Variants in DUSP29 observed in about 807,000 individuals in gnomAD.
DUSP29 encodes the protein dual specificity phosphatase 29.
Under a neutral mutation model 13.5 loss-of-function variants are expected in DUSP29, and 12 were observed. The ratio of observed to expected loss-of-function variants is 0.89; its 90% CI spans 0.57 to 1.44. DUSP29 has a LOEUF of 1.44. DUSP29 is among the 40% of genes most tolerant of loss of function. The pLI, the probability that DUSP29 is intolerant of heterozygous loss-of-function variation, is 0.00. For missense variants in DUSP29, 308 were observed against 301.1 expected (o/e 1.02, Z -0.17); for synonymous variants, 134 against 128.7 (o/e 1.04, Z -0.28).
At chr10:75,066,398 G>A (rs1589869346) in intron 1 of DUSP29, among the ~76,000 whole-genome samples, 1 of 152,162 alleles carries the variant, frequency 6.6e-6, no homozygotes, top group Non-Finnish European at 1.5e-5. Context: ...AAATCAAAGG[G>A]AAAGAGGCTG....
intron 1 of DUSP29, among the ~76,000 whole-genome samples, chr10:75,061,061 T>G (rs1379929580): frequency 2.0e-5 from 3 of 152,146 alleles, no homozygotes; most frequent in South Asian, 2.1e-4. Flanking sequence ...TTTCCTTTTT[T>G]AAAATAGAGA....
chr10:75,038,051 C>CA lies in DUSP29; in HGVS notation c.447_448insT (p.Gly150TrpfsTer64). On this transcript the variant is annotated frameshift_variant, in exon 4 of 4. Transcript: ENST00000338487. LOFTEE classifies it high-confidence loss of function. ...ACCAGGGTGGCTGACCGGCTGCGGC[C>CA]CATGACGCAGTGAACCAGGATCTTA... is the stretch of plus-strand genomic sequence containing the variant. 6.2e-7 allele frequency: 1 copy of CA among 1,613,538 alleles called. No homozygotes were observed. Among genetic ancestry groups the CA allele is most frequent in the South Asian group, 1.1e-5 (1 of 91,062 alleles).
In DUSP29 at chr10:75,043,996, A is replaced by G. The variant is rs1051785165; in HGVS notation, c.222T>C (p.Tyr74=). Residue 74 remains tyrosine, a synonymous_variant, in exon 3 of 4, where the codon TAT becomes TAC. Transcript: ENST00000338487. The part of the protein sequence containing the change: ...IGDEATALDR[Y]RLQKAGFTHV... ...GCGTGAACCCCGCCTTCTGCAGCCT[A>G]TAGCGGTCCAGCGCCGTCGCCCTGG... 4.3e-6 allele frequency: 7 copies of G among 1,611,758 alleles called. No individual in the cohort carries two copies. The highest frequency in any genetic ancestry group is 3.3e-5 in the Admixed American group (2 of 59,996).
intron 3 of DUSP29, 84 bp downstream of exon 3, chr10:75,043,713 A>G (rs543971451): frequency 1.2e-4 from 134 of 1,143,942 alleles, no homozygotes; most frequent in East Asian, 9.9e-4. Flanking sequence ...TGGGGCGGGG[A>G]AGGGGCGGGG....
intron 2 of DUSP29, among the ~76,000 whole-genome samples, chr10:75,054,739 C>T (rs577635897): frequency 2.0e-4 from 31 of 152,182 alleles, no homozygotes; most frequent in Non-Finnish European, 4.1e-4. Flanking sequence ...CTATTTTACA[C>T]ACATTACCCA....
intron 3 of DUSP29, among the ~76,000 whole-genome samples, chr10:75,039,277 AG>A (rs1846535505): frequency 1.3e-5 from 2 of 152,194 alleles, no homozygotes; most frequent in Non-Finnish European, 2.9e-5. Flanking sequence ...CTATGCTTGC[AG>A]GTCCTTATGT....
intron 3 of DUSP29, among the ~76,000 whole-genome samples, chr10:75,043,225 C>T (rs1846622471): frequency 6.6e-6 from 1 of 152,214 alleles, no homozygotes; most frequent in African/African-American, 2.4e-5. Context: ...GGGAGTGTAA[C>T]TTGGTTGGTG....
At chr10:75,067,161 T>C (rs1847221710) in intron 1 of DUSP29, among the ~76,000 whole-genome samples, 1 of 152,000 alleles carries the variant, frequency 6.6e-6, no homozygotes, top group African/African-American at 2.4e-5. Context: ...GGTTTCATCA[T>C]GTTGACCAGG....
intron 2 of DUSP29, among the ~76,000 whole-genome samples, chr10:75,055,232 G>C (rs1400671619): frequency 6.9e-6 from 1 of 145,038 alleles, no homozygotes; most frequent in Non-Finnish European, 1.5e-5. Flanking sequence ...TTTTTTTTTT[G>C]CTACTTCAAA....
At chr10:75,060,394 G>A (rs1847061232) in intron 1 of DUSP29, among the ~76,000 whole-genome samples, 1 of 151,650 alleles carries the variant, frequency 6.6e-6, no homozygotes, top group African/African-American at 2.4e-5. Flanking sequence ...GAGGACCACT[G>A]GAGCCCAGGA....
chr10:75,050,384 C>A (rs1186202596), intron 2 of DUSP29, among the ~76,000 whole-genome samples: 1 of 152,242 alleles, frequency 6.6e-6, no homozygotes, highest in Non-Finnish European at 1.5e-5. Context: ...TGACGCCAGT[C>A]CCTGGCTCTC....
chr10:75,057,100 AC>A (rs1846977137), intron 2 of DUSP29, among the ~76,000 whole-genome samples: 1 of 151,976 alleles, frequency 6.6e-6, no homozygotes, highest in Non-Finnish European at 1.5e-5. Context: ...ACATGGTGAA[AC>A]CCTGTTTCTA....
chr10:75,068,372 G>C (rs1847249092), intron 1 of DUSP29, among the ~76,000 whole-genome samples: 1 of 152,188 alleles, frequency 6.6e-6, no homozygotes, highest in Admixed American at 6.5e-5. Flanking sequence ...AGCTACTTGG[G>C]AGGCTGAGGT....
In DUSP29 at chr10:75,058,546, C is replaced by T; in HGVS notation, c.-32G>A. On this transcript the variant is annotated splice_region_variant and 5_prime_UTR_variant, in exon 2 of 4. Coordinates refer to ENST00000338487, the MANE Select transcript of DUSP29 (RefSeq NM_001003892.3). Reference sequence around the variant, plus strand: ...GCCAAGGGATTTTCTCTCCTTTCTGCAGCTGGTTATGAGAGAGAAGCAGGA... The same window carrying T: ...GCCAAGGGATTTTCTCTCCTTTCTGTAGCTGGTTATGAGAGAGAAGCAGGA... The T allele has an allele frequency of 6.2e-7, 1 of 1,611,794 alleles. No homozygotes were observed.
Position 75,043,975 on chromosome 10 carries a change from G to C in DUSP29, c.243C>G (p.Phe81Leu). The change falls in exon 3 of 4, where the codon TTC becomes TTG. Residue 81 changes from phenylalanine to leucine, a missense_variant. By Grantham distance (22) the Phe-to-Leu change is conservative (BLOSUM62 0). Coordinates refer to ENST00000338487, the MANE Select transcript of DUSP29 (RefSeq NM_001003892.3). ...LDRYRLQKAG[F>L]THVLNAAHGR... ...CGTGGGCCGCGTTCAGCACGTGCGT[G>C]AACCCCGCCTTCTGCAGCCTATAGC... 1 of 1,612,986 alleles carries C rather than the reference G, an allele frequency of 6.2e-7. No individual in the cohort carries two copies. Among genetic ancestry groups the C allele is most frequent in the Non-Finnish European group, 8.5e-7 (1 of 1,179,932 alleles).
intron 1 of DUSP29, among the ~76,000 whole-genome samples, chr10:75,062,012 C>G (rs551842424): frequency 1.3e-5 from 2 of 152,218 alleles, no homozygotes; most frequent in African/African-American, 2.4e-5. Flanking sequence ...TGCCCTCCCC[C>G]ACGGGTGGTC....
At chr10:75,070,758 T>C (rs1847311563) in intron 1 of DUSP29, among the ~76,000 whole-genome samples, 1 of 152,174 alleles carries the variant, frequency 6.6e-6, no homozygotes, top group Non-Finnish European at 1.5e-5. Flanking sequence ...CATCGCCTCC[T>C]GCGTGACATG....
At chr10:75,072,062 C>A (rs1234162727) in intron 1 of DUSP29, among the ~76,000 whole-genome samples, 2 of 152,314 alleles carry the variant, frequency 1.3e-5, no homozygotes, top group Admixed American at 1.3e-4. Flanking sequence ...CTTCTGGCTC[C>A]CCCATCTGCT....
chr10:75,045,197 T>C (rs1038073592), intron 2 of DUSP29, among the ~76,000 whole-genome samples: 1 of 151,876 alleles, frequency 6.6e-6, no homozygotes, highest in Non-Finnish European at 1.5e-5. Context: ...TCTCTACTAA[T>C]AATACAAAAA....
Sources: allele counts gnomAD v4.1 joint callset (sites outside exome capture counted in the v4.1 genomes callset), GRCh38; gene constraint gnomAD v4.1.1; transcripts MANE v1.5; gene names NCBI Gene and HGNC (gene_info 2026-07-23, HGNC 2026-07-21).